The following DNAH17 variants were observed in gnomAD, a reference collection of about 807,000 sequenced individuals.
The protein encoded by DNAH17 is axonemal beta dynein heavy chain 17.
A neutral mutation model predicts 485.6 loss-of-function variants in DNAH17; 376 were observed. The ratio of observed to expected loss-of-function variants is 0.77; its 90% CI spans 0.71 to 0.84. The LOEUF is 0.84. Among genes scored for constraint, DNAH17 ranks in the 40% least tolerant of loss-of-function variants. The pLI, the probability that DNAH17 is intolerant of heterozygous loss-of-function variation, is 0.00. For synonymous variants in DNAH17, 3,031 were observed against 2,405.9 expected, an observed-to-expected ratio of 1.26 and a Z score of -7.60; for missense variants, 6,370 against 5,839.3, an observed-to-expected ratio of 1.09 and a Z score of -2.96.
At chr17:78,501,681 C>T (rs1313669224) in intron 34 of DNAH17, 61 bp downstream of exon 34, 1 of 1,580,052 alleles carries the variant, frequency 6.3e-7, no homozygotes, top group Non-Finnish European at 8.6e-7. Context: ...CCTGAATGCA[C>T]TGCCCTGAAC....
chr17:78,476,671 T>C lies in DNAH17; in HGVS notation c.8055A>G (p.Leu2685=), dbSNP rs1043927964. The C allele has an allele frequency of 6.2e-7, 1 of 1,613,210 alleles. No individual in the cohort carries two copies. The highest frequency in any genetic ancestry group is 8.5e-7 in the Non-Finnish European group (1 of 1,179,604). Residue 2685 remains leucine, a synonymous_variant, in exon 52 of 81, where the codon CTA becomes CTG. Transcript: ENST00000389840. ...KTPLDLVRLW[L]HETERVYGDK... ...CACCATACACTCGTTCAGTCTCATGTAGCCAAAGGCGGACGAGGTCCAGTG... is the reference window on the plus strand; with the variant it reads ...CACCATACACTCGTTCAGTCTCATGCAGCCAAAGGCGGACGAGGTCCAGTG...
At chr17:78,555,756 T>A (rs965453578) in intron 14 of DNAH17, among the ~76,000 whole-genome samples, 4 of 152,076 alleles carry the variant, frequency 2.6e-5, no homozygotes, top group Non-Finnish European at 4.4e-5. Flanking sequence ...AGCATTGGAA[T>A]GGGTGGGCTC....
In DNAH17 at chr17:78,444,672, G is replaced by A; in HGVS notation, c.11460C>T (p.Asn3820=). 1 of 1,610,798 alleles carries A rather than the reference G, an allele frequency of 6.2e-7. No individual in the cohort carries two copies. The highest frequency in any genetic ancestry group is 8.5e-7 in the Non-Finnish European group (1 of 1,178,894). ...EKEIFPKEWK[N]KTALQKLCMV... ...TGCACAGCTTCTGCAGGGCCGTCTT[G>A]TTCTTCCACTCCTTGGGGAAGATCT... The change falls in exon 71 of 81, where the codon AAC becomes AAT. Residue 3820 remains asparagine, a synonymous_variant. Coordinates refer to ENST00000389840, the MANE Select transcript of DNAH17 (RefSeq NM_173628.4).
chr17:78,425,841 A>G (rs1420070435), intron 79 of DNAH17, among the ~76,000 whole-genome samples: 2 of 147,428 alleles, frequency 1.4e-5, no homozygotes, highest in African/African-American at 2.6e-5. Flanking sequence ...TCTTGGCTCA[A>G]CGCAACCTCC....
chr17:78,484,838 G>A lies in DNAH17; in HGVS notation c.7649+30C>T, dbSNP rs889850146. 1.4e-5 allele frequency: 19 copies of A among 1,347,086 alleles called. No homozygotes were observed. In the East Asian group the frequency reaches 1.9e-4, roughly 13 times the overall value. 83.4% of individuals were successfully genotyped at this position (1,347,086 alleles called of 1,614,324 possible). On this transcript the variant is annotated intron_variant, in intron 48 of 80. Transcript: ENST00000389840. ...CCCGCCCTCACCGCCCCGGGGCCACGCCTTCCCCTCCGGCCCCGCCCCGTC... is the reference window on the plus strand; with the variant it reads ...CCCGCCCTCACCGCCCCGGGGCCACACCTTCCCCTCCGGCCCCGCCCCGTC...
chr17:78,538,465 C>T (rs1439431019), intron 18 of DNAH17, among the ~76,000 whole-genome samples: 2 of 152,218 alleles, frequency 1.3e-5, no homozygotes, highest in African/African-American at 2.4e-5. Context: ...CTGAATGAGT[C>T]CCCATTGGAC....
chr17:78,468,544 CA>C, intron 55 of DNAH17, 72 bp downstream of exon 55: 2 of 1,518,102 alleles, frequency 1.3e-6, no homozygotes, highest in Non-Finnish European at 1.8e-6. Flanking sequence ...CTATGCAGAG[CA>C]AAAACCCATA....
chr17:78,525,081 T>G lies in DNAH17; in HGVS notation c.3792A>C (p.Pro1264=). ...GGCAGGCCTTGAGCTGCTTGTAGTC[T>G]GGGACGGGGACCTCGAACAGGCCCC... The part of the protein sequence containing the change: ...KSGGLFEVPV[P]DYKQLKACHR... The change falls in exon 25 of 81, where the codon CCA becomes CCC. Residue 1264 remains proline, a synonymous_variant. Transcript: ENST00000389840. 2 of 1,613,874 alleles carry G rather than the reference T, an allele frequency of 1.2e-6. No homozygotes were observed. The highest frequency in any genetic ancestry group is 1.7e-6 in the Non-Finnish European group (2 of 1,179,882).
At chr17:78,536,878 T>C (rs1446634591) in intron 19 of DNAH17, among the ~76,000 whole-genome samples, 1 of 151,654 alleles carries the variant, frequency 6.6e-6, no homozygotes, top group Non-Finnish European at 1.5e-5. Flanking sequence ...CACGATGTCA[T>C]TTAAAAGGTA....
At chr17:78,566,111 C>T (rs1045026176) in intron 11 of DNAH17, among the ~76,000 whole-genome samples, 15 of 152,054 alleles carry the variant, frequency 9.9e-5, no homozygotes, top group African/African-American at 2.2e-4. Flanking sequence ...CACCAGACAC[C>T]GAGTCTGCTG....
chr17:78,450,241 C>A lies in DNAH17; in HGVS notation c.11040+13G>T. On this transcript the variant is annotated intron_variant, in intron 68 of 80. Coordinates refer to ENST00000389840, the MANE Select transcript of DNAH17 (RefSeq NM_173628.4). ...CCTTGAGGGAGGCACCCAGCCCCAG[C>A]TGCAGGGCGCACCTTGAGGGAGAAC... 1 of 1,613,202 alleles carries A rather than the reference C, an allele frequency of 6.2e-7. No individual in the cohort carries two copies. The highest frequency in any genetic ancestry group is 2.2e-5 in the East Asian group (1 of 44,876).
intron 62 of DNAH17, among the ~76,000 whole-genome samples, chr17:78,456,215 C>T (rs962498693): frequency 2.6e-5 from 4 of 152,208 alleles, no homozygotes; most frequent in African/African-American, 9.6e-5. Flanking sequence ...GGGAGAATTG[C>T]TTGAACCCGG....
rs774419226 is a variant in DNAH17 at position 78,468,819 on chromosome 17, G to A, written c.8576C>T (p.Thr2859Ile). 3 of 1,614,056 alleles carry A rather than the reference G, an allele frequency of 1.9e-6. No homozygotes were observed. Among genetic ancestry groups the A allele is most frequent in the South Asian group, 1.1e-5 (1 of 91,086 alleles). ...VKNVPSVFLM[T>I]DSQVAEEQFL... ...CTGCTCCTCGGCCACCTGGGAGTCT[G>A]TCATCAGGAACACCGAGGGAACGTT... The change falls in exon 55 of 81, where the codon ACA becomes ATA. Residue 2859 changes from threonine (T) to isoleucine (I), a missense_variant. Physicochemically the swap from Thr to Ile is moderately conservative, Grantham distance 89. Transcript: ENST00000389840.
At position 78,463,904 on chromosome 17, in the gene DNAH17, C is replaced by T. The variant is rs116077989; in HGVS notation, c.8941-827G>A. On this transcript the variant is annotated intron_variant, in intron 56 of 80. Coordinates refer to ENST00000389840, the MANE Select transcript of DNAH17 (RefSeq NM_173628.4). ...ATAGTGCTGGTGGTGGGGCCAATGC[C>T]TGTTTCTAGGAAGTCTCTGCCTTGG... Among the ~76,000 whole-genome samples, 93 of 152,330 alleles carry T rather than the reference C, an allele frequency of 6.1e-4. 1 individual carries two copies. Among genetic ancestry groups the T allele is most frequent in the African/African-American group, 2.1e-3 (86 of 41,580 alleles).
At chr17:78,471,121 T>C (rs966218928) in intron 54 of DNAH17, among the ~76,000 whole-genome samples, 8 of 152,224 alleles carry the variant, frequency 5.3e-5, no homozygotes, top group African/African-American at 7.2e-5. Context: ...TCTGTACTTA[T>C]TGAAGAGGCT....
Position 78,479,610 on chromosome 17 carries a change from A to G in DNAH17, c.7775T>C (p.Val2592Ala). ...RLQRHFCVFAVSFPGQEALTT... is the reference protein window; with the variant it reads ...RLQRHFCVFAASFPGQEALTT... ...GAGGGCCTCCTGGCCGGGGAAGCTC[A>G]CAGCAAACACGCAGAAATGGCGCTA... The change falls in exon 50 of 81, where the codon GTG becomes GCG. Residue 2592 changes from valine (V) to alanine (A), a missense_variant. Coordinates refer to ENST00000389840, the MANE Select transcript of DNAH17 (RefSeq NM_173628.4). 6.2e-7 allele frequency: 1 copy of G among 1,613,346 alleles called. No homozygotes were observed. Among genetic ancestry groups the G allele is most frequent in the African/African-American group, 1.3e-5 (1 of 75,046 alleles).
chr17:78,427,200 C>T (rs2086506131), intron 77 of DNAH17, 92 bp from the exon 78 acceptor site: 3 of 1,363,434 alleles, frequency 2.2e-6, no homozygotes, highest in African/African-American at 1.4e-5. Flanking sequence ...TGTTCCCAGC[C>T]CCAAGTCCTG....
intron 76 of DNAH17, 76 bp downstream of exon 76, chr17:78,429,045 A>T: frequency 6.6e-7 from 1 of 1,506,166 alleles, no homozygotes; most frequent in Non-Finnish European, 9.1e-7. Flanking sequence ...TTGACACTCC[A>T]TTTGTGCTGG....
intron 54 of DNAH17, among the ~76,000 whole-genome samples, chr17:78,470,248 G>C (rs1394832052): frequency 6.6e-6 from 1 of 150,450 alleles, no homozygotes; most frequent in Non-Finnish European, 1.5e-5. Context: ...TTGTATTTTT[G>C]GTAGAGACAG....
Sources: allele counts gnomAD v4.1 joint callset (sites outside exome capture counted in the v4.1 genomes callset), GRCh38; gene constraint gnomAD v4.1.1; transcripts MANE v1.5; gene names NCBI Gene and HGNC (gene_info 2026-07-23, HGNC 2026-07-21).